CEP131: variants seen among roughly 807,000 people sequenced by gnomAD.
CEP131 encodes the protein centrosomal protein 131.
Under a neutral mutation model 136.8 loss-of-function variants are expected in CEP131, and 99 were observed. The observed-to-expected ratio is 0.72, with a 90% CI of 0.62 to 0.86. The LOEUF (loss-of-function observed/expected upper bound fraction) is 0.86. CEP131 is among the 40% of genes least tolerant of loss of function. The pLI, the probability that CEP131 is intolerant of heterozygous loss-of-function variation, is 0.00. For missense variants in CEP131, 1,459 were observed against 1,463.0 expected (o/e 1.00, Z 0.04); for synonymous variants, 646 against 612.7 (o/e 1.05, Z -0.80).
At chr17:81,220,629 G>T (rs886211949) in intron 1 of CEP131, among the ~76,000 whole-genome samples, 1 of 152,004 alleles carries the variant, frequency 6.6e-6, no homozygotes, top group Non-Finnish European at 1.5e-5. Context: ...TGAGTAGCTG[G>T]GATTACAGGT....
rs777984289 is a variant in CEP131, at chr17:81,191,045, G to A, written c.2805C>T (p.Ser935=). Reference sequence around the variant, plus strand: ...GCTTCCGCTCCGACTGCTCCAGCTCGGAGAGCTCGGCCTCGTACTTGTCCC... The same window carrying A: ...GCTTCCGCTCCGACTGCTCCAGCTCAGAGAGCTCGGCCTCGTACTTGTCCC... ...RLRDKYEAEL[S]ELEQSERKLQ... The change falls in exon 23 of 26, where the codon TCC becomes TCT. Residue 935 remains serine (S), a synonymous_variant. Coordinates refer to ENST00000450824, the MANE Select transcript of CEP131 (RefSeq NM_014984.4). The A allele has an allele frequency of 4.9e-5, 79 of 1,609,724 alleles. No individual in the cohort carries two copies. Among genetic ancestry groups the A allele is most frequent in the Non-Finnish European group, 6.0e-5 (71 of 1,178,790 alleles).
intron 5 of CEP131, among the ~76,000 whole-genome samples, chr17:81,204,373 A>G (rs989749135): frequency 3.3e-5 from 5 of 152,172 alleles, no homozygotes; most frequent in African/African-American, 9.7e-5. Flanking sequence ...CCAGCAGTGC[A>G]ACCGGGCAGC....
Position 81,219,826 on chromosome 17 carries a change from G to T in CEP131, c.177+54C>A. 6.7e-7 allele frequency: 1 copy of T among 1,484,250 alleles called. No individual in the cohort carries two copies. The highest frequency in any genetic ancestry group is 1.4e-5 in the South Asian group (1 of 73,554). 91.9% of individuals were successfully genotyped at this position (1,484,250 alleles called of 1,614,324 possible). A position where few individuals can be genotyped will look rare whatever the true frequency, so the allele number is the denominator to read the frequency against. ...TGGACCCAGGGGTCAGATGCCAACT[G>T]AACAACAGCCCTCCAGGAGGCAGGG... On this transcript the variant is annotated intron_variant, in intron 2 of 25. Coordinates refer to ENST00000450824, the MANE Select transcript of CEP131 (RefSeq NM_014984.4). This position sits in a 1 kb window ranked among gnomAD's most constrained non-coding sequence, Gnocchi z 4.0.
Position 81,190,782 on chromosome 17 carries a change from G to T in CEP131, c.2964C>A (p.Ser988Arg), listed in dbSNP as rs754005669. ...DAQAVNEQLS[S>R]ERSNLAQVIR... is the part of the protein sequence containing the mutation. ...TCACCTGGGCCAGGTTGCTGCGCTC[G>T]CTAGAAAGCTGCTCGTTCACCTGGG... is the stretch of plus-strand genomic sequence containing the variant. Residue 988 changes from serine (S) to arginine (R), a missense_variant, in exon 24 of 26, where the codon AGC becomes AGA. Ser to Arg is a moderately radical substitution (Grantham distance 110). Coordinates refer to ENST00000450824, the MANE Select transcript of CEP131 (RefSeq NM_014984.4). 1 of 1,610,112 alleles carries T rather than the reference G, an allele frequency of 6.2e-7. No homozygotes were observed. The highest frequency in any genetic ancestry group is 8.5e-7 in the Non-Finnish European group (1 of 1,178,456).
At chr17:81,209,087 C>T (rs1021880643) in intron 2 of CEP131, 65 bp from the exon 3 acceptor site, 14 of 1,252,270 alleles carry the variant, frequency 1.1e-5, no homozygotes, top group East Asian at 4.9e-5. Context: ...GCTCAGCCTC[C>T]GCCAGCTTTG....
intron 2 of CEP131, among the ~76,000 whole-genome samples, chr17:81,209,244 C>G (rs72858462): frequency 6.6e-6 from 1 of 152,130 alleles, no homozygotes; most frequent in South Asian, 2.1e-4. Flanking sequence ...AAGAGCTTCC[C>G]CGTCCCCGCA....
intron 2 of CEP131, among the ~76,000 whole-genome samples, chr17:81,214,569 G>T (rs1425066865): frequency 6.6e-6 from 1 of 151,490 alleles, no homozygotes; most frequent in Non-Finnish European, 1.5e-5. Context: ...AAAAGAAAAA[G>T]AAAAAAATAA....
intron 13 of CEP131, 70 bp downstream of exon 13, chr17:81,197,642 G>T: frequency 6.6e-7 from 1 of 1,511,026 alleles, no homozygotes. Context: ...CTCCTCCCCC[G>T]AGGGCCAGGT....
intron 2 of CEP131, among the ~76,000 whole-genome samples, chr17:81,210,161 C>T (rs1298192709): frequency 1.3e-5 from 2 of 152,244 alleles, no homozygotes; most frequent in African/African-American, 4.8e-5. Context: ...AAGTACCTTA[C>T]GCTACGCTCC....
Position 81,200,227 on chromosome 17 carries a change from A to C in CEP131, c.906+102T>G, listed in dbSNP as rs536340951. On this transcript the variant is annotated intron_variant, in intron 8 of 25. Coordinates refer to ENST00000450824, the MANE Select transcript of CEP131 (RefSeq NM_014984.4). Reference sequence around the variant, plus strand: ...GCACCCAGAGACGGGGCCCACGAGCAATCCTAGGCTTTGATTCCACCTGTC... The same window carrying C: ...GCACCCAGAGACGGGGCCCACGAGCCATCCTAGGCTTTGATTCCACCTGTC... 63 of 912,268 alleles carry C rather than the reference A, an allele frequency of 6.9e-5. 1 individual carries two copies. In the South Asian group the frequency reaches 9.0e-4, roughly 13 times the overall value. 56.5% of individuals were successfully genotyped at this position (912,268 alleles called of 1,614,324 possible).
intron 13 of CEP131, chr17:81,197,417 C>T: frequency 1.8e-6 from 1 of 542,022 alleles, no homozygotes; most frequent in South Asian, 2.2e-5. Context: ...GCTGAACTAT[C>T]CACACATATG....
intron 2 of CEP131, among the ~76,000 whole-genome samples, chr17:81,211,949 AG>A (rs1164478834): frequency 2.1e-4 from 31 of 150,888 alleles, no homozygotes; most frequent in African/African-American, 7.3e-4. Flanking sequence ...AAAAAAAAAA[AG>A]AAAAAATAGA....
intron 2 of CEP131, among the ~76,000 whole-genome samples, chr17:81,218,668 C>T (rs970958215): frequency 6.6e-6 from 1 of 152,242 alleles, no homozygotes. Flanking sequence ...TGGGAACCTG[C>T]TTGGTCCAAG....
At position 81,215,221 on chromosome 17, in the gene CEP131, T is replaced by C. The variant is rs370917737; in HGVS notation, c.177+4659A>G. 2.0e-4 allele frequency among the ~76,000 whole-genome samples: 30 copies of C among 152,050 alleles called. No individual in the cohort carries two copies. Among genetic ancestry groups the C allele is most frequent in the African/African-American group, 5.8e-4 (24 of 41,502 alleles). On this transcript the variant is annotated intron_variant, in intron 2 of 25. Coordinates refer to ENST00000450824, the MANE Select transcript of CEP131 (RefSeq NM_014984.4). This position sits in a 1 kb window ranked among gnomAD's most constrained non-coding sequence, Gnocchi z 4.1. Reference sequence around the variant, plus strand: ...GCCATCCTCCTGCCCCAGCCTCCCATGTAGCTGGGACTACAGGCATGCACC... The same window carrying C: ...GCCATCCTCCTGCCCCAGCCTCCCACGTAGCTGGGACTACAGGCATGCACC...
chr17:81,216,717 C>T (rs1389473746), intron 2 of CEP131, among the ~76,000 whole-genome samples: 2 of 152,200 alleles, frequency 1.3e-5, no homozygotes, highest in Non-Finnish European at 2.9e-5. Flanking sequence ...GCTCAATGAG[C>T]CCCCTTTTCC....
chr17:81,214,252 G>A (rs916802691), intron 2 of CEP131, among the ~76,000 whole-genome samples: 9 of 152,266 alleles, frequency 5.9e-5, no homozygotes, highest in Non-Finnish European at 1.0e-4. Context: ...TAACATAAAA[G>A]GTTTATTTTT....
At chr17:81,207,061 A>T (rs959447106) in intron 4 of CEP131, 64 bp downstream of exon 4, 1 of 1,560,628 alleles carries the variant, frequency 6.4e-7, no homozygotes, top group African/African-American at 1.4e-5. Context: ...GTGAGAACAA[A>T]TTAGGAACCA....
At position 81,203,460 on chromosome 17, in the gene CEP131, C is replaced by T. The variant is rs576419754; in HGVS notation, c.629+34G>A. 54 of 1,531,060 alleles carry T rather than the reference C, an allele frequency of 3.5e-5. 1 individual carries two copies. The South Asian group carries it at 5.4e-4, about 15-fold the overall frequency. 94.8% of individuals were successfully genotyped at this position (1,531,060 alleles called of 1,614,324 possible). A position where few individuals can be genotyped will look rare whatever the true frequency, so the allele number is the denominator to read the frequency against. On this transcript the variant is annotated intron_variant, in intron 6 of 25. Transcript: ENST00000450824. This position sits in a 1 kb window ranked among gnomAD's most constrained non-coding sequence, Gnocchi z 4.6. Reference sequence around the variant, plus strand: ...CTACATGCCCTAACTGAGGTCGGACCCCGCAGCCCCGCGGCCTCCCCAGAA... The same window carrying T: ...CTACATGCCCTAACTGAGGTCGGACTCCGCAGCCCCGCGGCCTCCCCAGAA...
chr17:81,198,642 C>T (rs2061821352), intron 11 of CEP131, among the ~76,000 whole-genome samples: 1 of 152,166 alleles, frequency 6.6e-6, no homozygotes, highest in Non-Finnish European at 1.5e-5. Flanking sequence ...GCAAGGCCCC[C>T]CACCCCAGGA....
Sources: gnomAD v4.1 joint callset for allele counts (sites outside exome capture counted in the v4.1 genomes callset) on GRCh38, gnomAD v4.1.1 for gene constraint, Gnocchi (gnomAD v3.1) non-coding constraint, MANE v1.5 for transcripts, NCBI Gene and HGNC (gene_info 2026-07-23, HGNC 2026-07-21) for gene names.